EIF5B: variants seen among roughly 807,000 people sequenced by gnomAD.
The protein encoded by EIF5B is eIF-5B.
Under a neutral mutation model 147.5 loss-of-function variants are expected in EIF5B, and 47 were observed. The ratio of observed to expected loss-of-function variants is 0.32; its 90% CI spans 0.25 to 0.41. EIF5B has a LOEUF of 0.41. Among genes scored for constraint, EIF5B ranks in the 10% least tolerant of loss-of-function variants. The pLI is 1.00. For missense variants in EIF5B, 1,064 were observed against 1,413.2 expected, an observed-to-expected ratio of 0.75 and a Z score of 3.96; for synonymous variants, 455 against 456.2, an observed-to-expected ratio of 1.00 and a Z score of 0.03.
Position 99,361,549 on chromosome 2 carries a change from T to C in EIF5B, c.648T>C (p.Asn216=), listed in dbSNP as rs780105183. 1.9e-6 allele frequency: 3 copies of C among 1,613,426 alleles called. No homozygotes were observed. Among genetic ancestry groups the C allele is most frequent in the Non-Finnish European group, 1.7e-6 (2 of 1,179,902 alleles). The part of the protein sequence containing the change: ...NKPGPNIESG[N]EDDDASFKIK... ...CAGGTCCTAACATAGAAAGTGGGAA[T>C]GAAGATGATGACGCCTCCTTCAAAA... Residue 216 remains asparagine (N), a synonymous_variant, in exon 4 of 24, where the codon AAT becomes AAC. Transcript: ENST00000289371.
chr2:99,376,891 C>G (rs1021759544), intron 10 of EIF5B, among the ~76,000 whole-genome samples: 3 of 152,104 alleles, frequency 2.0e-5, no homozygotes, highest in African/African-American at 7.2e-5. Flanking sequence ...TTTTAATGTA[C>G]TCTTTGAGTG....
Position 99,399,446 on chromosome 2 carries a change from T to G in EIF5B, c.*32T>G. On this transcript the variant is annotated 3_prime_UTR_variant, in exon 24 of 24. Coordinates refer to ENST00000289371, the MANE Select transcript of EIF5B (RefSeq NM_015904.4). Reference sequence around the variant, plus strand: ...CACATGGAGCAGGAACTGGAGTAAATGCAATACTGTGTTGTAATATCCCAA... The same window carrying G: ...CACATGGAGCAGGAACTGGAGTAAAGGCAATACTGTGTTGTAATATCCCAA... 6.3e-7 allele frequency: 1 copy of G among 1,586,904 alleles called. No homozygotes were observed. The highest frequency in any genetic ancestry group is 8.6e-7 in the Non-Finnish European group (1 of 1,156,622).
chr2:99,382,339 C>T, intron 13 of EIF5B, 113 bp downstream of exon 13: 1 of 793,320 alleles, frequency 1.3e-6, no homozygotes. Flanking sequence ...ATAACTACCA[C>T]TCCACCTTTG....
intron 13 of EIF5B, 46 bp downstream of exon 13, chr2:99,382,272 C>G: frequency 6.5e-7 from 1 of 1,533,782 alleles, no homozygotes. Flanking sequence ...CTACTTGAAA[C>G]CATTAAGTCT....
chr2:99,357,915 T>G (rs1284494791), intron 1 of EIF5B, among the ~76,000 whole-genome samples: 1 of 152,164 alleles, frequency 6.6e-6, no homozygotes, highest in Non-Finnish European at 1.5e-5. Flanking sequence ...TCTATTCCCT[T>G]AATATTTATC....
chr2:99,369,268 CATTTCAA>C (rs1452394993), intron 7 of EIF5B, 117 bp from the exon 8 acceptor site: 1 of 580,438 alleles, frequency 1.7e-6, no homozygotes, highest in African/African-American at 1.9e-5. Flanking sequence ...AGCGAGACTC[CATTTCAA>C]AAAAATAAAA....
intron 10 of EIF5B, among the ~76,000 whole-genome samples, chr2:99,377,606 A>G (rs747692108): frequency 2.6e-5 from 4 of 151,992 alleles, no homozygotes; most frequent in Non-Finnish European, 4.4e-5. Context: ...GAATATCTGT[A>G]CTGTGCTTGC....
At chr2:99,340,432 C>A (rs540721952) in intron 1 of EIF5B, among the ~76,000 whole-genome samples, 1 of 152,112 alleles carries the variant, frequency 6.6e-6, no homozygotes, top group Non-Finnish European at 1.5e-5. Context: ...GTCATTCCAC[C>A]TCCCCTCCTT....
At chr2:99,361,967 T>A in intron 4 of EIF5B, 147 bp downstream of exon 4, 2 of 601,540 alleles carry the variant, frequency 3.3e-6, no homozygotes, top group Non-Finnish European at 5.1e-6. Context: ...TACGTCTAAG[T>A]ATTTGACTTG....
intron 10 of EIF5B, among the ~76,000 whole-genome samples, chr2:99,378,273 C>G (rs915062450): frequency 2.6e-5 from 4 of 152,182 alleles, no homozygotes; most frequent in Non-Finnish European, 5.9e-5. Context: ...GTTTTTGCTT[C>G]AAGTTTATCT....
At chr2:99,344,122 T>C (rs1013997291) in intron 1 of EIF5B, among the ~76,000 whole-genome samples, 1 of 152,006 alleles carries the variant, frequency 6.6e-6, no homozygotes, top group African/African-American at 2.4e-5. Flanking sequence ...GGTTTCACCA[T>C]GTTAGCCAGG....
chr2:99,368,647 CA>C, intron 7 of EIF5B, 56 bp downstream of exon 7: 1 of 1,346,514 alleles, frequency 7.4e-7, no homozygotes, highest in South Asian at 1.2e-5. Context: ...CTTTCCCCCA[CA>C]ATCTTCAAAA....
rs558131282 is a variant in EIF5B at position 99,367,586 on chromosome 2, A to C, written c.1289-907A>C. Among the ~76,000 whole-genome samples, 44 of 151,920 alleles carry C rather than the reference A, an allele frequency of 2.9e-4. No individual in the cohort carries two copies. The South Asian group carries it at 9.0e-3, about 31-fold the overall frequency. ...TGAGTAGCTGGGATTATAGGCACCC[A>C]CCACCACAATATATATATATTTTAT... On this transcript the variant is annotated intron_variant, in intron 6 of 23. Coordinates refer to ENST00000289371, the MANE Select transcript of EIF5B (RefSeq NM_015904.4).
rs3205296 is a variant in EIF5B at position 99,363,803 on chromosome 2, A to G, written c.1078A>G (p.Arg360Gly). The G allele has an allele frequency of 6.2e-7, 1 of 1,614,040 alleles. No individual in the cohort carries two copies. Among genetic ancestry groups the G allele is most frequent in the Non-Finnish European group, 8.5e-7 (1 of 1,179,986 alleles). Reference protein sequence around the residue: ...KLKEEEERQKREEEERIKRLE... With the variant: ...KLKEEEERQKGEEEERIKRLE... ...TAAAGAGGAAGAAGAAAGACAGAAG[A>G]GAGAAGAGGAAGAACGTATAAAACG... is the stretch of plus-strand genomic sequence containing the variant. Residue 360 changes from arginine (R) to glycine (G), a missense_variant, in exon 5 of 24, where the codon AGA (arginine) becomes GGA (glycine). Physicochemically the swap from Arg to Gly is moderately radical, Grantham distance 125. Coordinates refer to ENST00000289371, the MANE Select transcript of EIF5B (RefSeq NM_015904.4).
chr2:99,390,412 AC>A lies in EIF5B; in HGVS notation c.2586+12del, dbSNP rs1480559640. 1.3e-6 allele frequency: 2 copies of A among 1,577,418 alleles called. No individual in the cohort carries two copies. The highest frequency in any genetic ancestry group is 2.9e-5 in the African/African-American group (2 of 68,832). ...GCACAGGTGATGGAGGTAATGATCA[AC>A]TTTTCAGTTTATTGTTTTTTTTTTT... On this transcript the variant is annotated intron_variant, in intron 16 of 23. Coordinates refer to ENST00000289371, the MANE Select transcript of EIF5B (RefSeq NM_015904.4).
chr2:99,360,547 A>C lies in EIF5B; in HGVS notation c.244A>C (p.Lys82Gln). 6.2e-7 allele frequency: 1 copy of C among 1,612,694 alleles called. No homozygotes were observed. The highest frequency in any genetic ancestry group is 1.3e-5 in the African/African-American group (1 of 74,964). The change falls in exon 3 of 24, where the codon AAG becomes CAG. Residue 82 changes from lysine (K) to glutamine (Q), a missense_variant and splice_region_variant. Physicochemically the swap from Lys to Gln is moderately conservative, Grantham distance 53. Around this residue, in one of 4 missense-constraint regions of EIF5B, gnomAD observed 458 missense variants for 451.3 expected, o/e 1.01. Coordinates refer to ENST00000289371, the MANE Select transcript of EIF5B (RefSeq NM_015904.4). ...AGCTGACAGAGAAACTGTTGCAGTG[A>C]AGGTGAAAGACAGACCTTTGTTACC... is the stretch of plus-strand genomic sequence containing the variant. ...IKADRETVAV[K>Q]PTENNEEEFT...
chr2:99,376,077 C>G (rs1418967044), intron 9 of EIF5B, among the ~76,000 whole-genome samples: 1 of 152,214 alleles, frequency 6.6e-6, no homozygotes. Flanking sequence ...GGGCCACATG[C>G]AGCCCAGGAT....
intron 12 of EIF5B, 96 bp downstream of exon 12, chr2:99,379,524 C>A: frequency 1.2e-6 from 1 of 836,364 alleles, no homozygotes; most frequent in Non-Finnish European, 1.8e-6. Flanking sequence ...AGGATAACAG[C>A]TCCATATACT....
chr2:99,358,805 G>A (rs1024056524), intron 1 of EIF5B, among the ~76,000 whole-genome samples: 1 of 152,098 alleles, frequency 6.6e-6, no homozygotes, highest in African/African-American at 2.4e-5. Context: ...GGTACTGTAG[G>A]AAGTCACCAC....
Sources: gnomAD v4.1 joint callset for allele counts (sites outside exome capture counted in the v4.1 genomes callset) on GRCh38, gnomAD v4.1.1 for gene constraint, gnomAD v4.1.1 regional missense constraint, MANE v1.5 for transcripts, NCBI Gene and HGNC (gene_info 2026-07-23, HGNC 2026-07-21) for gene names.